The following ENGASE variants were observed in gnomAD, a reference collection of about 807,000 sequenced individuals.
ENGASE encodes cytosolic endo-beta-N-acetylglucosaminidase.
Under a neutral mutation model 78.5 loss-of-function variants are expected in ENGASE, and 69 were observed. The ratio of observed to expected loss-of-function variants is 0.88; its 90% CI spans 0.72 to 1.07. ENGASE has a LOEUF of 1.07. Ranked by LOEUF, ENGASE falls within the 50% of genes least tolerant of loss-of-function variation. The pLI, the probability that ENGASE is intolerant of heterozygous loss-of-function variation, is 0.00. For missense variants in ENGASE, 943 were observed against 988.4 expected (o/e 0.95, Z 0.62); for synonymous variants, 408 against 408.9 (o/e 1.00, Z 0.03).
rs751743122 is a variant in ENGASE, at chr17:79,085,919, TTC to T, written c.1816-9_1816-8del. 1 of 1,588,738 alleles carries T rather than the reference TTC, an allele frequency of 6.3e-7. No homozygotes were observed. The highest frequency in any genetic ancestry group is 8.5e-7 in the Non-Finnish European group (1 of 1,171,564). On this transcript the variant is annotated splice_polypyrimidine_tract_variant and intron_variant, in intron 13 of 13. Coordinates refer to ENST00000579016, the MANE Select transcript of ENGASE (RefSeq NM_001042573.3). ...CCCGGGCGTCCAGCCGTGCTGAGCC[TTC>T]TCTCCTGCCAGGTGGTGGACGCTGC...
intron 13 of ENGASE, 50 bp downstream of exon 13, chr17:79,085,784 G>T: frequency 6.2e-7 from 1 of 1,605,508 alleles, no homozygotes; most frequent in African/African-American, 1.3e-5. Context: ...TGTCCAGCTG[G>T]AGTGGGGGTG....
At chr17:79,077,576 A>G (rs2072999216) in intron 2 of ENGASE, 79 bp downstream of exon 2, 2 of 1,567,494 alleles carry the variant, frequency 1.3e-6, no homozygotes, top group South Asian at 2.4e-5. Context: ...GCCCCCTCTC[A>G]TGTTCCTTCT....
intron 7 of ENGASE, chr17:79,082,714 A>C (rs2073177035): frequency 7.3e-7 from 1 of 1,378,228 alleles, no homozygotes; most frequent in Admixed American, 2.2e-5. Flanking sequence ...CGTGATTCTG[A>C]TAATCGAATG....
intron 5 of ENGASE, 108 bp from the exon 6 acceptor site, chr17:79,080,817 C>A: frequency 6.9e-7 from 1 of 1,441,610 alleles, no homozygotes; most frequent in Non-Finnish European, 9.3e-7. Context: ...GCAGCTTCGC[C>A]TGTGGGTCTG....
At chr17:79,082,655 G>A in intron 7 of ENGASE, 1 of 1,304,494 alleles carries the variant, frequency 7.7e-7, no homozygotes. Flanking sequence ...CCTTAATTTA[G>A]CTTTAAATGA....
rs1437807305 is a variant in ENGASE at position 79,083,817 on chromosome 17, T to C, written c.1308T>C (p.Phe436=). ...HLSAQEIQPL[F]GEHRLGGDGR... ...GCGCCCAGGAGATCCAGCCCTTGTTTGGAGAACACAGGCTGGGAGGGGATG... is the reference window on the plus strand; with the variant it reads ...GCGCCCAGGAGATCCAGCCCTTGTTCGGAGAACACAGGCTGGGAGGGGATG... The change falls in exon 10 of 14, where the codon TTT becomes TTC. Residue 436 remains phenylalanine, a synonymous_variant. Coordinates refer to ENST00000579016, the MANE Select transcript of ENGASE (RefSeq NM_001042573.3). The surrounding 1 kb of genome is among the most constrained non-coding windows in gnomAD (Gnocchi z 4.9). 3.7e-6 allele frequency: 6 copies of C among 1,612,016 alleles called. No individual in the cohort carries two copies. The highest frequency in any genetic ancestry group is 5.1e-6 in the Non-Finnish European group (6 of 1,179,428).
rs749129976 is a variant in ENGASE, at chr17:79,085,224, CCTT to C, written c.1592-7_1592-5del. The stretch of plus-strand genomic sequence containing the variant: ...TTCTCCTTTTTCAAGTTCCGTGTCT[CCTT>C]CTGCAGCAGAAACAAGCTCAAGACA... On this transcript the variant is annotated splice_polypyrimidine_tract_variant and splice_region_variant and intron_variant, in intron 11 of 13. Coordinates refer to ENST00000579016, the MANE Select transcript of ENGASE (RefSeq NM_001042573.3). 9.3e-6 allele frequency: 15 copies of C among 1,607,862 alleles called. No homozygotes were observed. Among genetic ancestry groups the C allele is most frequent in the Middle Eastern group, 1.7e-4 (1 of 6,054 alleles).
In ENGASE at chr17:79,082,016, G is replaced by A. The variant is rs1216655074; in HGVS notation, c.991G>A (p.Val331Met). 8.7e-6 allele frequency: 14 copies of A among 1,614,132 alleles called. No individual in the cohort carries two copies. The highest frequency in any genetic ancestry group is 1.2e-5 in the Non-Finnish European group (14 of 1,180,044). ...GGCTGATGTGTACGTGGGCGTGGAT[G>A]TGTTTGCTCGAGGGAACGTGGTCGG... ...RRADVYVGVD[V>M]FARGNVVGGR... The change falls in exon 7 of 14, where the codon GTG becomes ATG. Residue 331 changes from valine to methionine, a missense_variant. Coordinates refer to ENST00000579016, the MANE Select transcript of ENGASE (RefSeq NM_001042573.3).
At chr17:79,082,793 C>G in intron 7 of ENGASE, 1 of 1,485,418 alleles carries the variant, frequency 6.7e-7, no homozygotes, top group Non-Finnish European at 9.0e-7. Flanking sequence ...TGCCCCCCTG[C>G]CCTTGCAGCA....
chr17:79,086,299 C>A lies in ENGASE; in HGVS notation c.2182C>A (p.Pro728Thr). 6.2e-7 allele frequency: 1 copy of A among 1,613,566 alleles called. No homozygotes were observed. Among genetic ancestry groups the A allele is most frequent in the Non-Finnish European group, 8.5e-7 (1 of 1,180,034 alleles). ...EPVPKEGFRV[P>T]QAEWGRAVLL... is the part of the protein sequence containing the mutation. ...TGTCCCCAAGGAAGGGTTCCGGGTACCTCAGGCCGAGTGGGGCAGGGCAGT... is the reference window on the plus strand; with the variant it reads ...TGTCCCCAAGGAAGGGTTCCGGGTAACTCAGGCCGAGTGGGGCAGGGCAGT... The change falls in exon 14 of 14, where the codon CCT (proline) becomes ACT (threonine). Residue 728 changes from proline (P) to threonine (T), a missense_variant. Pro to Thr is a conservative substitution (Grantham distance 38, BLOSUM62 -1). Transcript: ENST00000579016.
chr17:79,080,236 G>C lies in ENGASE; in HGVS notation c.595G>C (p.Gly199Arg). The change falls in exon 5 of 14, where the codon GGA (glycine) becomes CGA (arginine). Residue 199 changes from glycine (G) to arginine (R), a missense_variant. Coordinates refer to ENST00000579016, the MANE Select transcript of ENGASE (RefSeq NM_001042573.3). ...GTFITEWNEG[G>R]RLCEAFLAGD... is the part of the protein sequence containing the mutation. The stretch of plus-strand genomic sequence containing the variant: ...TTTCATCACGGAGTGGAATGAAGGG[G>C]GAAGGCTCTGTGAAGCCTTCCTGGC... 2 of 1,611,162 alleles carry C rather than the reference G, an allele frequency of 1.2e-6. No homozygotes were observed. Among genetic ancestry groups the C allele is most frequent in the Non-Finnish European group, 1.7e-6 (2 of 1,178,132 alleles).
chr17:79,087,071 G>T lies in ENGASE; in HGVS notation c.*722G>T, dbSNP rs57039616. 53 of 464,856 alleles carry T rather than the reference G, an allele frequency of 1.1e-4. No homozygotes were observed. Among genetic ancestry groups the T allele is most frequent in the African/African-American group, 9.1e-4 (46 of 50,430 alleles). 28.8% of individuals were successfully genotyped at this position (464,856 alleles called of 1,614,324 possible). On this transcript the variant is annotated 3_prime_UTR_variant, in exon 14 of 14. Transcript: ENST00000579016. ...CCCCTGGCTCTGCGGCGTCTCTTCCGGGCTGTGGGCATGCAGGGAAGTGGC... is the reference window on the plus strand; with the variant it reads ...CCCCTGGCTCTGCGGCGTCTCTTCCTGGCTGTGGGCATGCAGGGAAGTGGC...
intron 7 of ENGASE, chr17:79,082,344 G>T: frequency 1.5e-6 from 2 of 1,321,548 alleles, no homozygotes; most frequent in South Asian, 2.9e-5. Context: ...GGTCCTCGGC[G>T]GGCCTGGGCC....
intron 6 of ENGASE, 36 bp downstream of exon 6, chr17:79,081,109 G>A: frequency 6.6e-7 from 1 of 1,513,710 alleles, no homozygotes; most frequent in Non-Finnish European, 8.9e-7. Flanking sequence ...GGGGGCAGGT[G>A]CCGTGGTGGG....
At chr17:79,077,968 C>T (rs112571757) in intron 3 of ENGASE, 104 bp downstream of exon 3, 117 of 1,227,954 alleles carry the variant, frequency 9.5e-5, no homozygotes, top group African/African-American at 8.2e-4. Flanking sequence ...GAGCACTGGG[C>T]GGGGAGTCAG....
At chr17:79,079,344 T>G in intron 3 of ENGASE, 145 bp from the exon 4 acceptor site, 1 of 869,222 alleles carries the variant, frequency 1.2e-6, no homozygotes, top group Non-Finnish European at 1.7e-6. Flanking sequence ...TTCCAGTTTT[T>G]GTGGGGAGAG....
chr17:79,084,077 T>A (rs2073222771), intron 10 of ENGASE, 126 bp downstream of exon 10: 2 of 810,422 alleles, frequency 2.5e-6, no homozygotes, highest in Non-Finnish European at 3.9e-6. Flanking sequence ...ATGGGTTTTT[T>A]AAAATTGTGA....
In ENGASE at chr17:79,088,258, C is replaced by T. The variant is rs1372140924; in HGVS notation, c.*1909C>T. 6.8e-6 allele frequency: 1 copy of T among 147,826 alleles called. No individual in the cohort carries two copies. Among genetic ancestry groups the T allele is most frequent in the Non-Finnish European group, 1.5e-5 (1 of 67,490 alleles). 9.2% of individuals were successfully genotyped at this position (147,826 alleles called of 1,614,324 possible). On this transcript the variant is annotated 3_prime_UTR_variant, in exon 14 of 14. Coordinates refer to ENST00000579016, the MANE Select transcript of ENGASE (RefSeq NM_001042573.3). Reference sequence around the variant, plus strand: ...GGAACCAGGAAGGGGCTCCTGGCCTCTCTGTGTCCTCTGCAGTGGGGGTTG... The same window carrying T: ...GGAACCAGGAAGGGGCTCCTGGCCTTTCTGTGTCCTCTGCAGTGGGGGTTG...
At position 79,086,911 on chromosome 17, in the gene ENGASE, G is replaced by A. The variant is rs1212165793; in HGVS notation, c.*562G>A. On this transcript the variant is annotated 3_prime_UTR_variant, in exon 14 of 14. Coordinates refer to ENST00000579016, the MANE Select transcript of ENGASE (RefSeq NM_001042573.3). ...CAGTGTGGAAGGCCCTTTTCCCTGAGGAGTGGGCATTCTGGGCCAGCCGGC... is the reference window on the plus strand; with the variant it reads ...CAGTGTGGAAGGCCCTTTTCCCTGAAGAGTGGGCATTCTGGGCCAGCCGGC... 2.2e-6 allele frequency: 1 copy of A among 459,810 alleles called. No individual in the cohort carries two copies. Among genetic ancestry groups the A allele is most frequent in the Non-Finnish European group, 4.4e-6 (1 of 229,564 alleles). The allele number at this position is 459,810 out of a possible 1,614,324, so 28.5% of individuals were successfully genotyped here.
Sources: allele counts gnomAD v4.1 joint callset, GRCh38; gene constraint gnomAD v4.1.1; non-coding constraint Gnocchi (gnomAD v3.1); transcripts MANE v1.5; gene names NCBI Gene and HGNC (gene_info 2026-07-23, HGNC 2026-07-21).